Variants in COPS2 observed in about 807,000 individuals in gnomAD.
COPS2 encodes the protein COP9 signalosome complex subunit 2.
In COPS2, 10 loss-of-function variants were observed where a neutral mutation model predicts 66.1. The observed-to-expected ratio is 0.15, with a 90% confidence interval of 0.09 to 0.26. COPS2 has a LOEUF of 0.26. COPS2 is among the 10% of genes least tolerant of loss of function. The pLI is 1.00. For missense variants in COPS2, 215 were observed against 513.3 expected (o/e 0.42, Z 5.62); for synonymous variants, 179 against 171.3 (o/e 1.04, Z -0.35).
chr15:49,149,433 G>A (rs1367670552), intron 1 of COPS2, among the ~76,000 whole-genome samples: 7 of 152,014 alleles, frequency 4.6e-5, no homozygotes, highest in Non-Finnish European at 1.0e-4. Context: ...TTTTTTCTCA[G>A]TCATGCTTCC....
intron 1 of COPS2, among the ~76,000 whole-genome samples, chr15:49,150,537 T>C (rs973513213): frequency 2.0e-5 from 3 of 152,082 alleles, no homozygotes; most frequent in African/African-American, 7.2e-5. Context: ...ACCTCCCCAC[T>C]GCACACAAAA....
intron 4 of COPS2, among the ~76,000 whole-genome samples, chr15:49,138,086 T>C (rs2084266301): frequency 1.3e-5 from 2 of 152,216 alleles, no homozygotes; most frequent in Admixed American, 1.3e-4. Flanking sequence ...TGGTAAACCA[T>C]GGAGGTGGGT....
Position 49,123,637 on chromosome 15 carries a change from A to G in COPS2, c.*4313T>C, listed in dbSNP as rs1401117466. On this transcript the variant is annotated 3_prime_UTR_variant, in exon 13 of 13. Coordinates refer to ENST00000388901, the MANE Select transcript of COPS2 (RefSeq NM_004236.4). ...AAGTTCATAATTTTGCCAACACGGAACAAAGTTGCCCCCGAATAGTAAGTA... is the reference window on the plus strand; with the variant it reads ...AAGTTCATAATTTTGCCAACACGGAGCAAAGTTGCCCCCGAATAGTAAGTA... The G allele has an allele frequency of 6.6e-6, 1 of 152,202 alleles. No individual in the cohort carries two copies. Among genetic ancestry groups the G allele is most frequent in the African/African-American group, 2.4e-5 (1 of 41,454 alleles). 9.4% of individuals were successfully genotyped at this position (152,202 alleles called of 1,614,324 possible).
rs1276614131 is a variant in COPS2, at chr15:49,128,010, T to C, written c.1272A>G (p.Leu424=). Residue 424 remains leucine (L), a synonymous_variant, in exon 13 of 13, where the codon CTA becomes CTG. Transcript: ENST00000388901. ...QKRGGARYTA[L]DKWTNQLNSL... ...AATTTAGTTGGTTGGTCCATTTATCTAGTGCAGTATATCGTGCACCACCCC... is the reference window on the plus strand; with the variant it reads ...AATTTAGTTGGTTGGTCCATTTATCCAGTGCAGTATATCGTGCACCACCCC... 1 of 1,613,974 alleles carries C rather than the reference T, an allele frequency of 6.2e-7. No homozygotes were observed. The highest frequency in any genetic ancestry group is 8.5e-7 in the Non-Finnish European group (1 of 1,179,868).
chr15:49,140,270 C>T (rs2084282192), intron 3 of COPS2, among the ~76,000 whole-genome samples: 1 of 151,998 alleles, frequency 6.6e-6, no homozygotes, highest in East Asian at 1.9e-4. Context: ...GCTGGAATTA[C>T]AGGTGTGAGC....
rs150969104 is a variant in COPS2, at chr15:49,139,642, T to C, written c.258A>G (p.Pro86=). 8 of 1,584,704 alleles carry C rather than the reference T, an allele frequency of 5.0e-6. No individual in the cohort carries two copies. In the African/African-American group the frequency reaches 6.9e-5, roughly 14 times the overall value. The change falls in exon 4 of 13, where the codon CCA becomes CCG. Residue 86 remains proline, a synonymous_variant. Transcript: ENST00000388901. ...GCTGCTTATATCTATTCATCATTTC[T>C]GGAAAGTTTGTCTGTGAGAAAAGAA... is the stretch of plus-strand genomic sequence containing the variant. ...IKINFKLTNF[P]EMMNRYKQLL... is the part of the protein sequence containing the mutation.
At chr15:49,151,777 G>A (rs1473028335) in intron 1 of COPS2, among the ~76,000 whole-genome samples, 2 of 149,326 alleles carry the variant, frequency 1.3e-5, no homozygotes, top group African/African-American at 4.9e-5. Context: ...GATCATGCAT[G>A]TATGTTGAAT....
Position 49,127,795 on chromosome 15 carries a change from A to G in COPS2, c.*155T>C. 1 of 756,012 alleles carries G rather than the reference A, an allele frequency of 1.3e-6. No homozygotes were observed. Among genetic ancestry groups the G allele is most frequent in the East Asian group, 2.8e-5 (1 of 35,902 alleles). 46.8% of individuals were successfully genotyped at this position (756,012 alleles called of 1,614,324 possible). A position where few individuals can be genotyped will look rare whatever the true frequency, so the allele number is the denominator to read the frequency against. ...TTTTTCTTGGGATAAATGCAGCAGC[A>G]AAACACAAACCAGTTGATCAAAAAA... On this transcript the variant is annotated 3_prime_UTR_variant, in exon 13 of 13. Coordinates refer to ENST00000388901, the MANE Select transcript of COPS2 (RefSeq NM_004236.4).
intron 3 of COPS2, among the ~76,000 whole-genome samples, chr15:49,143,248 A>C (rs2084300454): frequency 6.6e-6 from 1 of 152,202 alleles, no homozygotes; most frequent in Non-Finnish European, 1.5e-5. Flanking sequence ...GCAAAGGATG[A>C]GCTTACATAG....
Position 49,125,408 on chromosome 15 carries a change from G to C in COPS2, c.*2542C>G, listed in dbSNP as rs1336930558. On this transcript the variant is annotated 3_prime_UTR_variant, in exon 13 of 13. Transcript: ENST00000388901. ...ATTTCTTTGCAGTAACTTTTAGCTA[G>C]GTTTAGGGATAAAAAGAAGAATGAG... The C allele has an allele frequency of 6.6e-6, 1 of 152,014 alleles. No individual in the cohort carries two copies. Among genetic ancestry groups the C allele is most frequent in the Non-Finnish European group, 1.5e-5 (1 of 67,938 alleles). 9.4% of individuals were successfully genotyped at this position (152,014 alleles called of 1,614,324 possible).
intron 6 of COPS2, among the ~76,000 whole-genome samples, chr15:49,135,139 A>G (rs1402799771): frequency 2.0e-5 from 3 of 152,216 alleles, no homozygotes; most frequent in Non-Finnish European, 4.4e-5. Flanking sequence ...CTCTCTCAAA[A>G]TATCTTATTT....
chr15:49,141,951 T>A (rs1464473293), intron 3 of COPS2, among the ~76,000 whole-genome samples: 1 of 152,226 alleles, frequency 6.6e-6, no homozygotes, highest in Non-Finnish European at 1.5e-5. Context: ...ATAGGGACTC[T>A]TGGTATTATC....
At chr15:49,129,356 TA>T in intron 11 of COPS2, 120 bp downstream of exon 11, 1 of 424,378 alleles carries the variant, frequency 2.4e-6, no homozygotes, top group Non-Finnish European at 4.2e-6. Flanking sequence ...ATGTTTAATT[TA>T]AAAAATGTAT....
At chr15:49,154,438 TA>T (rs2141137187) in intron 1 of COPS2, among the ~76,000 whole-genome samples, 1 of 152,306 alleles carries the variant, frequency 6.6e-6, no homozygotes, top group East Asian at 1.9e-4. Context: ...TGCCTTATTT[TA>T]AAATGCAAAA....
At chr15:49,152,215 A>T (rs1302035445) in intron 1 of COPS2, among the ~76,000 whole-genome samples, 1 of 151,650 alleles carries the variant, frequency 6.6e-6, no homozygotes, top group Non-Finnish European at 1.5e-5. Flanking sequence ...TAACTATTTT[A>T]AAAAAAGAAA....
intron 9 of COPS2, among the ~76,000 whole-genome samples, chr15:49,133,169 T>C (rs1391510192): frequency 1.3e-5 from 2 of 152,128 alleles, no homozygotes; most frequent in South Asian, 2.1e-4. Context: ...TTTGTATTTT[T>C]AGTAGAGACG....
intron 1 of COPS2, among the ~76,000 whole-genome samples, chr15:49,149,507 T>C (rs2084344282): frequency 6.6e-6 from 1 of 152,216 alleles, no homozygotes; most frequent in South Asian, 2.1e-4. Context: ...TGTGAACTTC[T>C]CAGAAGCAGG....
At chr15:49,154,327 A>G (rs750262127) in intron 1 of COPS2, among the ~76,000 whole-genome samples, 40 of 152,248 alleles carry the variant, frequency 2.6e-4, no homozygotes, top group Admixed American at 2.5e-3. Context: ...GGTAGAAACC[A>G]TAACTATTAG....
At chr15:49,134,593 C>G (rs936163397) in intron 6 of COPS2, 79 bp from the exon 7 acceptor site, 8 of 1,119,334 alleles carry the variant, frequency 7.1e-6, no homozygotes, top group Non-Finnish European at 1.0e-5. Flanking sequence ...GGAAATCTTA[C>G]ATTTATAATA....
Sources: allele counts gnomAD v4.1 joint callset (sites outside exome capture counted in the v4.1 genomes callset), GRCh38; gene constraint gnomAD v4.1.1; transcripts MANE v1.5; gene names NCBI Gene and HGNC (gene_info 2026-07-23, HGNC 2026-07-21).